GYG1: variants seen among roughly 807,000 people sequenced by gnomAD.
GYG1 encodes the protein glycogenin-1.
Under a neutral mutation model 41.9 loss-of-function variants are expected in GYG1, and 44 were observed. The ratio of observed to expected loss-of-function variants is 1.05; its 90% CI spans 0.83 to 1.35. The LOEUF is 1.35. Among genes scored for constraint, GYG1 ranks in the 40% most tolerant of loss-of-function variants. The pLI is 0.00. For missense variants in GYG1, 429 were observed against 418.9 expected (o/e 1.02, Z -0.21); for synonymous variants, 141 against 158.1 (o/e 0.89, Z 0.81).
At position 148,996,740 on chromosome 3, in the gene GYG1, AG is replaced by A; in HGVS notation, c.319del. 2 of 1,612,924 alleles carry A rather than the reference AG, an allele frequency of 1.2e-6. No homozygotes were observed. The highest frequency in any genetic ancestry group is 1.7e-6 in the Non-Finnish European group (2 of 1,178,872). On this transcript the variant is annotated splice_acceptor_variant, in intron 3 of 7. Coordinates refer to ENST00000345003, the MANE Select transcript of GYG1 (RefSeq NM_004130.4). LOFTEE classifies it high-confidence loss of function. ...GTAATGCTCTTTCTCCCCTTTGATCAGGTCCTAGCAAATATTGATGATCTTT... is the reference window on the plus strand; with the variant it reads ...GTAATGCTCTTTCTCCCCTTTGATCAGTCCTAGCAAATATTGATGATCTTT...
chr3:149,005,900 C>A lies in GYG1; in HGVS notation c.482-3376C>A, dbSNP rs552521326. Among the ~76,000 whole-genome samples, 4 of 152,216 alleles carry A rather than the reference C, an allele frequency of 2.6e-5. No homozygotes were observed. The South Asian group carries it at 8.3e-4, about 32-fold the overall frequency. On this transcript the variant is annotated intron_variant, in intron 4 of 7. Transcript: ENST00000345003. ...CCCCAACCAGGAGATTGACATTGGACCAATCCACCAACCTTACTCAGATTT... is the reference window on the plus strand; with the variant it reads ...CCCCAACCAGGAGATTGACATTGGAACAATCCACCAACCTTACTCAGATTT...
rs1057521350 is a variant in GYG1, at chr3:148,996,425, C to T, written c.267C>T (p.Cys89=). 4 of 1,613,944 alleles carry T rather than the reference C, an allele frequency of 2.5e-6. No homozygotes were observed. Among genetic ancestry groups the T allele is most frequent in the Non-Finnish European group, 3.4e-6 (4 of 1,179,870 alleles). The part of the protein sequence containing the change: ...ELGVTLTKLH[C]WSLTQYSKCV... Reference sequence around the variant, plus strand: ...GTGTCACGCTGACAAAGCTCCACTGCTGGTCGCTTACACAGTATTCAAAAT... The same window carrying T: ...GTGTCACGCTGACAAAGCTCCACTGTTGGTCGCTTACACAGTATTCAAAAT... Residue 89 remains cysteine (C), a synonymous_variant, in exon 3 of 8, where the codon TGC becomes TGT. Transcript: ENST00000345003.
chr3:149,014,867 CAAAAA>C (rs113311454), intron 5 of GYG1, among the ~76,000 whole-genome samples: 1 of 111,014 alleles, frequency 9.0e-6, no homozygotes, highest in South Asian at 3.0e-4. Context: ...GACTCTGTCT[CAAAAA>C]AAAAAAAAAA....
At chr3:148,993,618 G>C (rs976293852) in intron 1 of GYG1, among the ~76,000 whole-genome samples, 2 of 152,184 alleles carry the variant, frequency 1.3e-5, no homozygotes, top group African/African-American at 4.8e-5. Flanking sequence ...ACTCCAGCCT[G>C]GGTGGCCGAG....
At chr3:149,010,805 A>G (rs969846886) in intron 5 of GYG1, among the ~76,000 whole-genome samples, 1 of 152,236 alleles carries the variant, frequency 6.6e-6, no homozygotes, top group Non-Finnish European at 1.5e-5. Context: ...AGTTGTGAGC[A>G]GCACAGCCCT....
At chr3:149,011,623 G>C (rs1341327180) in intron 5 of GYG1, among the ~76,000 whole-genome samples, 1 of 152,260 alleles carries the variant, frequency 6.6e-6, no homozygotes, top group East Asian at 1.9e-4. Flanking sequence ...TAAGTTTTGA[G>C]GGGTAAGACA....
rs1191706259 is a variant in GYG1, at chr3:148,996,324, GATGAA to G, written c.167_171del (p.Asp56GlyfsTer55). On this transcript the variant is annotated frameshift_variant, in exon 3 of 8. Coordinates refer to ENST00000345003, the MANE Select transcript of GYG1 (RefSeq NM_004130.4). LOFTEE classifies it high-confidence loss of function. Reference sequence around the variant, plus strand: ...CAGAAAAGTTTTAGAGACAGTCTTTGATGAAGTCATCATGGTAGATGTCTTGGACA... The same window carrying G: ...CAGAAAAGTTTTAGAGACAGTCTTTGGTCATCATGGTAGATGTCTTGGACA... 1 of 1,611,438 alleles carries G rather than the reference GATGAA, an allele frequency of 6.2e-7. No homozygotes were observed. Among genetic ancestry groups the G allele is most frequent in the African/African-American group, 1.3e-5 (1 of 74,842 alleles).
At chr3:148,993,988 G>A (rs1011462585) in intron 1 of GYG1, among the ~76,000 whole-genome samples, 154 bp from the exon 2 acceptor site, 11 of 151,946 alleles carry the variant, frequency 7.2e-5, no homozygotes, top group African/African-American at 1.7e-4. Context: ...GGGCACTTGG[G>A]GTTTTCTCCC....
Position 149,028,325 on chromosome 3 carries a change from T to C in GYG1, c.*1392T>C, listed in dbSNP as rs951508570. 3.3e-5 allele frequency among the ~76,000 whole-genome samples: 5 copies of C among 152,200 alleles called. No individual in the cohort carries two copies. The highest frequency in any genetic ancestry group is 6.5e-5 in the Admixed American group (1 of 15,284). Reference sequence around the variant, plus strand: ...TTACCATAGGAGCTCAATAAGAACCTGAGGATTTACCTAGAATTATAAAAT... The same window carrying C: ...TTACCATAGGAGCTCAATAAGAACCCGAGGATTTACCTAGAATTATAAAAT... On this transcript the variant is annotated 3_prime_UTR_variant, in exon 8 of 8. Transcript: ENST00000345003.
In GYG1 at chr3:149,029,052, A is replaced by ATTAAC. The variant is rs1164765132; in HGVS notation, c.*2122_*2126dup. 1.3e-5 allele frequency among the ~76,000 whole-genome samples: 2 copies of ATTAAC among 152,338 alleles called. No individual in the cohort carries two copies. The highest frequency in any genetic ancestry group is 1.9e-4 in the East Asian group (1 of 5,180). On this transcript the variant is annotated 3_prime_UTR_variant, in exon 8 of 8. Transcript: ENST00000345003. ...TTTCAAATAAGTAGTGAAGGCTATT[A>ATTAAC]TTAACTTTTGGAATCAGAAAGAATG...
At chr3:149,023,408 G>A (rs1031461162) in intron 5 of GYG1, among the ~76,000 whole-genome samples, 1 of 152,194 alleles carries the variant, frequency 6.6e-6, no homozygotes, top group African/African-American at 2.4e-5. Context: ...GTGCTGCTGT[G>A]AACATTTTGA....
At chr3:149,008,955 C>T (rs1368991515) in intron 4 of GYG1, 4 of 278,598 alleles carry the variant, frequency 1.4e-5, no homozygotes, top group African/African-American at 2.2e-5. Context: ...ATCAGGGGTT[C>T]GAGTCCAGCC....
intron 2 of GYG1, among the ~76,000 whole-genome samples, 157 bp downstream of exon 2, chr3:148,994,434 C>A (rs1372886115): frequency 6.6e-6 from 1 of 152,198 alleles, no homozygotes; most frequent in East Asian, 1.9e-4. Flanking sequence ...GTATTTGAAA[C>A]CTCCTCCTAG....
chr3:149,006,902 C>T (rs1001492029), intron 4 of GYG1, among the ~76,000 whole-genome samples: 1 of 152,234 alleles, frequency 6.6e-6, no homozygotes, highest in African/African-American at 2.4e-5. Context: ...CCTCAGAATA[C>T]ATTAATTTGC....
chr3:149,001,419 A>T (rs1197041458), intron 4 of GYG1: 1 of 152,168 alleles, frequency 6.6e-6, no homozygotes, highest in South Asian at 2.1e-4. Context: ...ATGTCACTGT[A>T]CCCGTGAATA....
In GYG1 at chr3:149,031,103, G is replaced by A. The variant is rs1046084876; in HGVS notation, c.*4170G>A. On this transcript the variant is annotated 3_prime_UTR_variant, in exon 8 of 8. Coordinates refer to ENST00000345003, the MANE Select transcript of GYG1 (RefSeq NM_004130.4). ...TTTCTAGCTTCTTTGTTTTAAATAT[G>A]CTCAGGAGTCAACCCAAATTCTGCA... The A allele has an allele frequency of 3.4e-4, 52 of 151,802 alleles. No homozygotes were observed. Among genetic ancestry groups the A allele is most frequent in the African/African-American group, 1.2e-3 (51 of 41,288 alleles). 9.4% of individuals were successfully genotyped at this position (151,802 alleles called of 1,614,324 possible).
Position 148,991,607 on chromosome 3 carries a change from G to A in GYG1, c.-34G>A. The A allele has an allele frequency of 6.4e-7, 1 of 1,554,526 alleles. No homozygotes were observed. Among genetic ancestry groups the A allele is most frequent in the Non-Finnish European group, 8.6e-7 (1 of 1,158,842 alleles). On this transcript the variant is annotated 5_prime_UTR_variant, in exon 1 of 8. Transcript: ENST00000345003. ...CGGCTTCTCTGAGTCACCAACCTGA[G>A]GCTGCCCCGGCCGCCTGCGCACCCG...
Position 149,031,568 on chromosome 3 carries a change from T to A in GYG1, c.*4635T>A, listed in dbSNP as rs1715050459. On this transcript the variant is annotated 3_prime_UTR_variant, in exon 8 of 8. Coordinates refer to ENST00000345003, the MANE Select transcript of GYG1 (RefSeq NM_004130.4). ...ATTTAAACAATGAGTGTAGTACTAC[T>A]TAACTAAAATGGAAAAAATAGTACT... 1 of 152,424 alleles carries A rather than the reference T, an allele frequency of 6.6e-6. No individual in the cohort carries two copies. The highest frequency in any genetic ancestry group is 2.4e-5 in the African/African-American group (1 of 41,346). The allele number at this position is 152,424 out of a possible 1,614,324, so 9.4% of individuals were successfully genotyped here.
intron 7 of GYG1, 38 bp downstream of exon 7, chr3:149,026,540 T>C (rs1164616621): frequency 7.6e-7 from 1 of 1,324,102 alleles, no homozygotes; most frequent in Non-Finnish European, 1.1e-6. Context: ...ATTACTTTGT[T>C]CTCCCAATGT....
Sources: gnomAD v4.1 joint callset for allele counts (sites outside exome capture counted in the v4.1 genomes callset) on GRCh38, gnomAD v4.1.1 for gene constraint, MANE v1.5 for transcripts, NCBI Gene and HGNC (gene_info 2026-07-23, HGNC 2026-07-21) for gene names.